Variants in THSD7A observed in about 807,000 individuals in gnomAD.
The protein encoded by THSD7A is thrombospondin type 1 domain containing 7A.
A neutral mutation model predicts 231.3 loss-of-function variants in THSD7A; 96 were observed. The ratio of observed to expected loss-of-function variants is 0.41; its 90% CI spans 0.35 to 0.49. THSD7A has a LOEUF of 0.49. Among genes scored for constraint, THSD7A ranks in the 20% least tolerant of loss-of-function variants. The probability of loss-of-function intolerance (pLI) is 0.05; values close to 1 mark genes in which losing one functional copy is unlikely to be tolerated. For missense variants in THSD7A, 2,290 were observed against 2,070.2 expected, an observed-to-expected ratio of 1.11 and a Z score of -2.06; for synonymous variants, 940 against 743.3, an observed-to-expected ratio of 1.26 and a Z score of -4.30.
intron 23 of THSD7A, among the ~76,000 whole-genome samples, chr7:11,386,372 G>C (rs910265651): frequency 6.6e-6 from 1 of 152,108 alleles, no homozygotes; most frequent in South Asian, 2.1e-4. Flanking sequence ...ATCCTCTCTA[G>C]CATCCATTGT....
At chr7:11,591,156 A>ATTT (rs59544271) in intron 3 of THSD7A, among the ~76,000 whole-genome samples, 1,498 of 142,716 alleles carry the variant, frequency 0.01, 38 homozygotes, top group African/African-American at 0.035. Flanking sequence ...CAAGAATAAG[A>ATTT]TTTTTTTTTT....
At chr7:11,756,719 C>T (rs1782689757) in intron 1 of THSD7A, among the ~76,000 whole-genome samples, 1 of 151,894 alleles carries the variant, frequency 6.6e-6, no homozygotes, top group South Asian at 2.1e-4. Flanking sequence ...CTGCAGTAAG[C>T]TGAGAATATT....
At chr7:11,584,246 C>A (rs1433554570) in intron 4 of THSD7A, among the ~76,000 whole-genome samples, 1 of 151,942 alleles carries the variant, frequency 6.6e-6, no homozygotes, top group East Asian at 1.9e-4. Context: ...CCCTTAAGAT[C>A]ATTTAAAACA....
At chr7:11,812,927 T>G (rs141897575) in intron 1 of THSD7A, among the ~76,000 whole-genome samples, 2,721 of 152,284 alleles carry the variant, frequency 0.018, 33 homozygotes, top group Middle Eastern at 0.075. Flanking sequence ...GAGAATTTAT[T>G]ATTAATGAAG....
chr7:11,571,532 A>G (rs1460907102), intron 4 of THSD7A, among the ~76,000 whole-genome samples: 1 of 152,138 alleles, frequency 6.6e-6, no homozygotes, highest in Non-Finnish European at 1.5e-5. Flanking sequence ...TATTATTACC[A>G]TTTTTCTAAA....
At chr7:11,748,642 T>A (rs1181524544) in intron 1 of THSD7A, among the ~76,000 whole-genome samples, 4 of 151,944 alleles carry the variant, frequency 2.6e-5, no homozygotes, top group Admixed American at 2.6e-4. Flanking sequence ...GCTATAAACT[T>A]CCAAACTATG....
intron 1 of THSD7A, among the ~76,000 whole-genome samples, chr7:11,736,928 T>C (rs1781936300): frequency 6.6e-6 from 1 of 151,968 alleles, no homozygotes; most frequent in Non-Finnish European, 1.5e-5. Context: ...TGAAAATGAG[T>C]AAATTCTCAC....
chr7:11,394,648 A>G (rs887489019), intron 23 of THSD7A, among the ~76,000 whole-genome samples: 1 of 152,334 alleles, frequency 6.6e-6, no homozygotes, highest in East Asian at 1.9e-4. Context: ...AAAGGGGAAC[A>G]ATAAATGTTA....
At chr7:11,648,296 C>T (rs1001085909) in intron 1 of THSD7A, among the ~76,000 whole-genome samples, 2 of 151,986 alleles carry the variant, frequency 1.3e-5, no homozygotes, top group African/African-American at 4.8e-5. Flanking sequence ...AAATATTATG[C>T]TAAGCCTATT....
At chr7:11,624,256 C>T (rs1034839641) in intron 2 of THSD7A, among the ~76,000 whole-genome samples, 1 of 152,018 alleles carries the variant, frequency 6.6e-6, no homozygotes, top group African/African-American at 2.4e-5. Context: ...TGTGGCTGTC[C>T]AAACTCTAGA....
At chr7:11,823,167 A>G (rs1421355077) in intron 1 of THSD7A, among the ~76,000 whole-genome samples, 1 of 152,106 alleles carries the variant, frequency 6.6e-6, no homozygotes, top group South Asian at 2.1e-4. Context: ...ATTCTTCTGC[A>G]TATGGAAGTT....
chr7:11,422,094 A>G (rs2115409013), intron 16 of THSD7A, among the ~76,000 whole-genome samples: 1 of 152,322 alleles, frequency 6.6e-6, no homozygotes, highest in East Asian at 1.9e-4. Flanking sequence ...CAAAGGGTTG[A>G]GTCAGAAGCC....
In THSD7A at chr7:11,743,074, A is replaced by G. The variant is rs567998872; in HGVS notation, c.190+88683T>C. Among the ~76,000 whole-genome samples the G allele has an allele frequency of 1.1e-4, 16 of 152,052 alleles. No individual in the cohort carries two copies. In the South Asian group the frequency reaches 3.3e-3, roughly 32 times the overall value. On this transcript the variant is annotated intron_variant, in intron 1 of 27. Transcript: ENST00000423059. ...AAGGAATCTTATAATTTAAAATGCT[A>G]TACTACTTATTATTGGCTTTCTAAA...
intron 6 of THSD7A, among the ~76,000 whole-genome samples, chr7:11,523,531 C>T (rs1031927989): frequency 4.0e-5 from 6 of 151,576 alleles, no homozygotes; most frequent in Non-Finnish European, 7.4e-5. Context: ...TTCCATAATC[C>T]CTGACAAAAA....
At chr7:11,460,599 G>T in intron 11 of THSD7A, 63 bp downstream of exon 11, 1 of 1,326,184 alleles carries the variant, frequency 7.5e-7, no homozygotes, top group Non-Finnish European at 1.0e-6. Context: ...AGTGGCAAAT[G>T]CATCAAAACA....
intron 1 of THSD7A, among the ~76,000 whole-genome samples, chr7:11,798,180 C>T (rs1784179580): frequency 2.6e-5 from 4 of 152,040 alleles, no homozygotes; most frequent in Admixed American, 2.0e-4. Context: ...TACTATCATA[C>T]ATTTATCTGG....
chr7:11,830,199 T>G (rs1200361167), intron 1 of THSD7A, among the ~76,000 whole-genome samples: 1 of 152,220 alleles, frequency 6.6e-6, no homozygotes, highest in Non-Finnish European at 1.5e-5. Flanking sequence ...TGATGACATA[T>G]ATTGACACCT....
chr7:11,495,004 A>G (rs1020893186), intron 6 of THSD7A, among the ~76,000 whole-genome samples: 2 of 152,086 alleles, frequency 1.3e-5, no homozygotes, highest in African/African-American at 2.4e-5. Flanking sequence ...CTTTTCATAA[A>G]TGGATGTTTA....
At chr7:11,458,061 C>G (rs377310783) in intron 11 of THSD7A, among the ~76,000 whole-genome samples, 1 of 152,060 alleles carries the variant, frequency 6.6e-6, no homozygotes, top group Non-Finnish European at 1.5e-5. Flanking sequence ...AATGCAAAAA[C>G]AGTGGAATGA....
Sources: gnomAD v4.1 joint callset for allele counts (sites outside exome capture counted in the v4.1 genomes callset) on GRCh38, gnomAD v4.1.1 for gene constraint, MANE v1.5 for transcripts, NCBI Gene and HGNC (gene_info 2026-07-23, HGNC 2026-07-21) for gene names.